SCN10A: variants seen among roughly 807,000 people sequenced by gnomAD.
The protein encoded by SCN10A is sodium channel protein type 10 subunit alpha.
Under a neutral mutation model 170.7 loss-of-function variants are expected in SCN10A, and 162 were observed. That is an observed-to-expected ratio of 0.95 (90% CI 0.84 to 1.08). The LOEUF is 1.08. SCN10A is among the 50% of genes least tolerant of loss of function. The pLI, the probability that SCN10A is intolerant of heterozygous loss-of-function variation, is 0.00. For synonymous variants in SCN10A, 985 were observed against 904.6 expected (o/e 1.09, Z -1.59); for missense variants, 2,527 against 2,436.9 (o/e 1.04, Z -0.78).
chr3:38,703,982 G>A (rs1340072884), intron 26 of SCN10A, among the ~76,000 whole-genome samples: 4 of 152,146 alleles, frequency 2.6e-5, no homozygotes, highest in African/African-American at 7.2e-5. Flanking sequence ...GTTAACCATA[G>A]CTCAAATGAA....
chr3:38,750,224 T>C (rs1296410862), intron 12 of SCN10A, 40 bp from the exon 13 acceptor site: 1 of 1,220,222 alleles, frequency 8.2e-7, no homozygotes, highest in South Asian at 1.3e-5. Flanking sequence ...TCCTTTAACC[T>C]GACATCTTCA....
At chr3:38,778,907 G>A (rs1221618157) in intron 4 of SCN10A, among the ~76,000 whole-genome samples, 2 of 151,942 alleles carry the variant, frequency 1.3e-5, no homozygotes, top group African/African-American at 4.8e-5. Flanking sequence ...ATTTGTATAT[G>A]TTATACTTTT....
In SCN10A at chr3:38,732,090, A is replaced by G. The variant is rs1321495987; in HGVS notation, c.2281-3189T>C. ...AAGAAAGTGCTAAGCATGAGAGTGA[A>G]TCTAAATAAACATTGAGTGGACACA... On this transcript the variant is annotated intron_variant, in intron 15 of 27. Coordinates refer to ENST00000449082, the MANE Select transcript of SCN10A (RefSeq NM_006514.4). Among the ~76,000 whole-genome samples, 5 of 152,246 alleles carry G rather than the reference A, an allele frequency of 3.3e-5. No homozygotes were observed. In the East Asian group the frequency reaches 9.6e-4, roughly 29 times the overall value.
At chr3:38,791,708 A>G (rs1297231099) in intron 3 of SCN10A, among the ~76,000 whole-genome samples, 1 of 152,190 alleles carries the variant, frequency 6.6e-6, no homozygotes, top group Non-Finnish European at 1.5e-5. Flanking sequence ...TTGTGGGGAA[A>G]GCGGACCACA....
At chr3:38,769,246 T>TTTTTG in intron 5 of SCN10A, among the ~76,000 whole-genome samples, 1 of 145,568 alleles carries the variant, frequency 6.9e-6, no homozygotes, top group East Asian at 2.0e-4. Flanking sequence ...ATTCTTTTTT[T>TTTTTG]TTTTTTTTTG....
chr3:38,698,347 C>T lies in SCN10A; in HGVS notation c.4873G>A (p.Gly1625Ser), dbSNP rs776389291. The part of the protein sequence containing the change: ...FLVMFIYSIF[G>S]MSSFPHVRWE... Reference sequence around the variant, plus strand: ...CTCACATGGGGAAAGCTGGACATACCGAAGATAGAGTAGATGAACATGACA... The same window carrying T: ...CTCACATGGGGAAAGCTGGACATACTGAAGATAGAGTAGATGAACATGACA... Residue 1625 changes from glycine to serine, a missense_variant, in exon 28 of 28, where the codon GGT becomes AGT. Physicochemically the swap from Gly to Ser is moderately conservative, Grantham distance 56. Coordinates refer to ENST00000449082, the MANE Select transcript of SCN10A (RefSeq NM_006514.4). The T allele has an allele frequency of 1.1e-5, 18 of 1,613,774 alleles. No individual in the cohort carries two copies. The highest frequency in any genetic ancestry group is 1.1e-4 in the South Asian group (10 of 91,060).
intron 5 of SCN10A, 129 bp downstream of exon 5, chr3:38,771,150 G>A: frequency 5.1e-6 from 5 of 983,094 alleles, no homozygotes; most frequent in Non-Finnish European, 7.6e-6. Context: ...AGTGGTTCTT[G>A]GAGCAAACGT....
In SCN10A at chr3:38,707,398, A is replaced by T. The variant is rs1023332527; in HGVS notation, c.4282-15T>A. ...TGGCCCCCTAAGTGCAGAGAGGGCC[A>T]CACTGTTACTAAAGCAAGAGGAACC... On this transcript the variant is annotated splice_polypyrimidine_tract_variant and intron_variant, in intron 25 of 27. Transcript: ENST00000449082. 19 of 1,613,618 alleles carry T rather than the reference A, an allele frequency of 1.2e-5. No individual in the cohort carries two copies. Among genetic ancestry groups the T allele is most frequent in the African/African-American group, 1.3e-5 (1 of 75,036 alleles).
chr3:38,788,539 T>C (rs956589959), intron 4 of SCN10A, among the ~76,000 whole-genome samples: 1 of 151,228 alleles, frequency 6.6e-6, no homozygotes, highest in Non-Finnish European at 1.5e-5. Flanking sequence ...CTCTCTTTCA[T>C]AGCAGGCCTT....
At position 38,768,579 on chromosome 3, in the gene SCN10A, T is replaced by C. The variant is rs558563868; in HGVS notation, c.599+2700A>G. Among the ~76,000 whole-genome samples, 118 of 152,208 alleles carry C rather than the reference T, an allele frequency of 7.8e-4. 1 individual carries two copies. The highest frequency in any genetic ancestry group is 9.3e-4 in the Non-Finnish European group (63 of 68,012). On this transcript the variant is annotated intron_variant, in intron 5 of 27. Transcript: ENST00000449082. The stretch of plus-strand genomic sequence containing the variant: ...CTAAAGATGGGACCCTAATCCCTTC[T>C]GGCTTGCAAGGTTTCAGTTGAGAAA...
At chr3:38,768,319 ATTGTT>A (rs1177274195) in intron 5 of SCN10A, among the ~76,000 whole-genome samples, 2 of 150,988 alleles carry the variant, frequency 1.3e-5, no homozygotes, top group African/African-American at 4.9e-5. Context: ...TTATTGTGTT[ATTGTT>A]TTATAGGTCC....
At chr3:38,771,649 A>G (rs2126041287) in intron 4 of SCN10A, among the ~76,000 whole-genome samples, 1 of 152,358 alleles carries the variant, frequency 6.6e-6, no homozygotes, top group South Asian at 2.1e-4. Context: ...GACAGCCAGC[A>G]GCTTCTGCTG....
chr3:38,716,857 G>T (rs2063339317), intron 21 of SCN10A, among the ~76,000 whole-genome samples: 3 of 152,142 alleles, frequency 2.0e-5, no homozygotes, highest in Non-Finnish European at 1.5e-5. Flanking sequence ...ATTAGTGAAT[G>T]ACTGGAAGGT....
intron 5 of SCN10A, among the ~76,000 whole-genome samples, chr3:38,769,816 G>A (rs993837947): frequency 6.6e-6 from 1 of 152,154 alleles, no homozygotes. Context: ...GGACTGCAGT[G>A]ATCGTTATTG....
chr3:38,807,055 C>G (rs1021924780), intron 1 of SCN10A, among the ~76,000 whole-genome samples: 1 of 152,098 alleles, frequency 6.6e-6, no homozygotes, highest in Non-Finnish European at 1.5e-5. Context: ...CACAGGATTC[C>G]TTTCGAATTC....
At chr3:38,755,241 CA>C (rs553079982) in intron 11 of SCN10A, among the ~76,000 whole-genome samples, 105 of 149,642 alleles carry the variant, frequency 7.0e-4, no homozygotes, top group African/African-American at 2.4e-3. Flanking sequence ...TGTGAAGTGT[CA>C]ATTAAAAAAA....
intron 8 of SCN10A, among the ~76,000 whole-genome samples, chr3:38,758,502 A>C (rs2063834022): frequency 6.6e-6 from 1 of 152,252 alleles, no homozygotes; most frequent in African/African-American, 2.4e-5. Context: ...TTAACCTTGG[A>C]AGCTGCTGAA....
At chr3:38,770,526 A>C (rs1357869943) in intron 5 of SCN10A, among the ~76,000 whole-genome samples, 1 of 152,000 alleles carries the variant, frequency 6.6e-6, no homozygotes, top group Non-Finnish European at 1.5e-5. Flanking sequence ...TCTCCAGGGA[A>C]GTGGGGGATA....
chr3:38,719,387 T>C (rs1370416467), intron 20 of SCN10A, among the ~76,000 whole-genome samples: 29 of 44,666 alleles, frequency 6.5e-4, no homozygotes, highest in Non-Finnish European at 1.1e-3. Context: ...TTTTTTTTTT[T>C]TTTTTTTTTT....
Sources: gnomAD v4.1 joint callset for allele counts (sites outside exome capture counted in the v4.1 genomes callset) on GRCh38, gnomAD v4.1.1 for gene constraint, MANE v1.5 for transcripts, NCBI Gene and HGNC (gene_info 2026-07-23, HGNC 2026-07-21) for gene names.